Variants in ZNF486 observed in about 807,000 individuals in gnomAD.
ZNF486 encodes the protein zinc finger protein 486.
ZNF486 carries 12 observed loss-of-function variants against 12.8 expected under a neutral mutation model. That is an observed-to-expected ratio of 0.94 (90% CI 0.60 to 1.52). ZNF486 has a LOEUF of 1.52. ZNF486 is among the 40% of genes most tolerant of loss of function. The pLI, the probability that ZNF486 is intolerant of heterozygous loss-of-function variation, is 0.00. For synonymous variants in ZNF486, 231 were observed against 184.9 expected (o/e 1.25, Z -2.02); for missense variants, 738 against 545.0 (o/e 1.35, Z -3.53).
chr19:20,174,298 ATT>A (rs1219323826), intron 1 of ZNF486, among the ~76,000 whole-genome samples: 2 of 152,314 alleles, frequency 1.3e-5, no homozygotes, highest in East Asian at 1.9e-4. Flanking sequence ...CTGGCTTTCT[ATT>A]TATTACTTCA....
intron 1 of ZNF486, among the ~76,000 whole-genome samples, chr19:20,174,544 G>A (rs555986552): frequency 1.3e-5 from 2 of 151,824 alleles, no homozygotes; most frequent in Non-Finnish European, 2.9e-5. Flanking sequence ...ATGCATCACT[G>A]TTCCTGGCTA....
At chr19:20,167,565 A>G (rs1421395091) in intron 1 of ZNF486, among the ~76,000 whole-genome samples, 2 of 152,136 alleles carry the variant, frequency 1.3e-5, no homozygotes, top group African/African-American at 2.4e-5. Context: ...TTCCCTGCGC[A>G]GTGACCGTGC....
chr19:20,188,313 A>G (rs557774350), intron 3 of ZNF486: 1 of 395,806 alleles, frequency 2.5e-6, no homozygotes, highest in East Asian at 3.6e-5. Context: ...ATAATTCTGG[A>G]TTTTTTTTCA....
At chr19:20,175,991 C>T in intron 1 of ZNF486, 1 of 166,214 alleles carries the variant, frequency 6.0e-6, no homozygotes, top group South Asian at 1.3e-4. Flanking sequence ...GACGGGGCGG[C>T]TGGCCTGGCG....
intron 3 of ZNF486, among the ~76,000 whole-genome samples, chr19:20,190,234 A>G (rs782456749): frequency 6.6e-6 from 1 of 152,220 alleles, no homozygotes; most frequent in Non-Finnish European, 1.5e-5. Context: ...TGTGAAGAAT[A>G]AAATTTTTTG....
At chr19:20,190,515 G>A (rs554034809) in intron 3 of ZNF486, among the ~76,000 whole-genome samples, 50 of 152,228 alleles carry the variant, frequency 3.3e-4, no homozygotes, top group African/African-American at 1.2e-3. Context: ...TTTCTGACCA[G>A]CTTGGACTAC....
In ZNF486 at chr19:20,200,377, C is replaced by CAGAG. The variant is rs1555718737; in HGVS notation, c.*2275_*2276insAGAG. 1.1e-4 allele frequency: 16 copies of CAGAG among 152,188 alleles called. No individual in the cohort carries two copies. Among genetic ancestry groups the CAGAG allele is most frequent in the African/African-American group, 3.9e-4 (16 of 41,544 alleles). 9.4% of individuals were successfully genotyped at this position (152,188 alleles called of 1,614,324 possible). On this transcript the variant is annotated 3_prime_UTR_variant, in exon 4 of 4. Coordinates refer to ENST00000335117, the MANE Select transcript of ZNF486 (RefSeq NM_052852.4). ...ATGTATAAGGTAGGTCAGAGTAATA[C>CAGAG]TTTTCTACATTATAGTGCAAGAAAT...
At chr19:20,184,591 T>G in intron 2 of ZNF486, 109 bp downstream of exon 2, 1 of 1,208,082 alleles carries the variant, frequency 8.3e-7, no homozygotes, top group Non-Finnish European at 1.1e-6. Context: ...GTTCCAGATG[T>G]CCTTTTTCCA....
rs75714082 is a variant in ZNF486 at position 20,169,518 on chromosome 19, A to G, written c.30+2158A>G. ...AGGAGCCTTTATCCTGAGAGAAGCT[A>G]CGGAGCCCTGGAAAGCTGGAGCCCC... On this transcript the variant is annotated intron_variant, in intron 1 of 3. Coordinates refer to ENST00000335117, the MANE Select transcript of ZNF486 (RefSeq NM_052852.4). Among the ~76,000 whole-genome samples the G allele has an allele frequency of 2.4e-3, 362 of 152,348 alleles. 4 individuals carry two copies. The highest frequency in any genetic ancestry group is 8.2e-3 in the African/African-American group (342 of 41,588).
chr19:20,198,084 A>G lies in ZNF486; in HGVS notation c.1374A>G (p.Gly458=), dbSNP rs958532503. The G allele has an allele frequency of 1.3e-6, 2 of 1,594,104 alleles. No individual in the cohort carries two copies. Among genetic ancestry groups the G allele is most frequent in the African/African-American group, 1.4e-5 (1 of 73,916 alleles). The change falls in exon 4 of 4, where the codon GGA becomes GGG. Residue 458 remains glycine, a synonymous_variant. Transcript: ENST00000335117. ...DLNKHKRIHI[G]QKPRT The stretch of plus-strand genomic sequence containing the variant: ...ATAAACATAAGAGAATTCATATTGG[A>G]CAGAAACCAAGAACGTGACAAAGGA...
chr19:20,178,647 G>C (rs1274906015), intron 1 of ZNF486, among the ~76,000 whole-genome samples: 1 of 152,220 alleles, frequency 6.6e-6, no homozygotes, highest in African/African-American at 2.4e-5. Context: ...GCCTTTCCCT[G>C]TCAGGCTTCC....
At position 20,197,681 on chromosome 19, in the gene ZNF486, G is replaced by T; in HGVS notation, c.971G>T (p.Cys324Phe). The T allele has an allele frequency of 6.2e-7, 1 of 1,613,814 alleles. No individual in the cohort carries two copies. The highest frequency in any genetic ancestry group is 8.5e-7 in the Non-Finnish European group (1 of 1,179,856). ...CATACTGGAGAGAAACCGTACACGT[G>T]TGATAAATGTGGCAAAGCCTTTATT... The part of the protein sequence containing the change: ...KIHTGEKPYT[C>F]DKCGKAFISS... The change falls in exon 4 of 4, where the codon TGT becomes TTT. Residue 324 changes from cysteine to phenylalanine, a missense_variant. Cys to Phe is a radical substitution (Grantham distance 205). Coordinates refer to ENST00000335117, the MANE Select transcript of ZNF486 (RefSeq NM_052852.4).
At chr19:20,192,720 G>C (rs2089914423) in intron 3 of ZNF486, among the ~76,000 whole-genome samples, 2 of 152,132 alleles carry the variant, frequency 1.3e-5, no homozygotes, top group Admixed American at 1.3e-4. Flanking sequence ...CTCTCAAACA[G>C]CTGGGTTACA....
chr19:20,175,059 C>T (rs1555714433), intron 1 of ZNF486: 1 of 152,148 alleles, frequency 6.6e-6, no homozygotes, highest in East Asian at 1.9e-4. Context: ...AATATAGAAC[C>T]TCCATTCAAT....
At chr19:20,188,180 T>C (rs1380275537) in intron 3 of ZNF486, among the ~76,000 whole-genome samples, 1 of 152,194 alleles carries the variant, frequency 6.6e-6, no homozygotes, top group Admixed American at 6.5e-5. Context: ...CCATAAACTA[T>C]CTTGTTTAAG....
At chr19:20,190,188 T>C (rs2089888891) in intron 3 of ZNF486, among the ~76,000 whole-genome samples, 1 of 152,216 alleles carries the variant, frequency 6.6e-6, no homozygotes, top group Non-Finnish European at 1.5e-5. Context: ...ATTGTTTATG[T>C]TACTGTAGCC....
chr19:20,173,485 C>T (rs868988936), intron 1 of ZNF486, among the ~76,000 whole-genome samples: 9 of 152,016 alleles, frequency 5.9e-5, no homozygotes, highest in African/African-American at 9.7e-5. Context: ...TTCTTTCAAG[C>T]GCATACAGTA....
At position 20,197,316 on chromosome 19, in the gene ZNF486, A is replaced by G. The variant is rs1229979519; in HGVS notation, c.606A>G (p.Lys202=). 1 of 1,612,456 alleles carries G rather than the reference A, an allele frequency of 6.2e-7. No homozygotes were observed. The highest frequency in any genetic ancestry group is 8.5e-7 in the Non-Finnish European group (1 of 1,179,474). Reference sequence around the variant, plus strand: ...CCTCAACCCATACTACACATAAAAAAATTGATACTGGAGAGAAACCATACA... The same window carrying G: ...CCTCAACCCATACTACACATAAAAAGATTGATACTGGAGAGAAACCATACA... ...NQSSTHTTHK[K]IDTGEKPYKC... is the part of the protein sequence containing the mutation. Residue 202 remains lysine (K), a synonymous_variant, in exon 4 of 4, where the codon AAA becomes AAG. Transcript: ENST00000335117.
At position 20,188,301 on chromosome 19, in the gene ZNF486, T is replaced by A. The variant is rs2089869899; in HGVS notation, c.253+2219T>A. The A allele has an allele frequency of 2.5e-5, 10 of 395,702 alleles. No individual in the cohort carries two copies. In the East Asian group the frequency reaches 3.6e-4, roughly 14 times the overall value. 24.5% of individuals were successfully genotyped at this position (395,702 alleles called of 1,614,324 possible). ...ATTTGAAGGTAATTTTCAAAAAGATTTATAATTCTGGATTTTTTTTCAGTT... is the reference window on the plus strand; with the variant it reads ...ATTTGAAGGTAATTTTCAAAAAGATATATAATTCTGGATTTTTTTTCAGTT... On this transcript the variant is annotated intron_variant, in intron 3 of 3. Transcript: ENST00000335117.
Sources: gnomAD v4.1 joint callset for allele counts (sites outside exome capture counted in the v4.1 genomes callset) on GRCh38, gnomAD v4.1.1 for gene constraint, MANE v1.5 for transcripts, NCBI Gene and HGNC (gene_info 2026-07-23, HGNC 2026-07-21) for gene names.